EPHX1: variants seen among roughly 807,000 people sequenced by gnomAD.
The protein encoded by EPHX1 is epoxide hydratase.
EPHX1 carries 40 observed loss-of-function variants against 43.2 expected under a neutral mutation model. That is an observed-to-expected ratio of 0.93 (90% CI 0.72 to 1.21). The LOEUF (loss-of-function observed/expected upper bound fraction) is 1.21. EPHX1 is among the 50% of genes most tolerant of loss of function. EPHX1 has a pLI of 0.00. For missense variants in EPHX1, 550 were observed against 570.4 expected (o/e 0.96, Z 0.36); for synonymous variants, 221 against 226.7 (o/e 0.98, Z 0.22).
chr1:225,839,366 G>GGTCTGT lies in EPHX1; in HGVS notation c.722+22_722+23insCTGTGT, dbSNP rs1553485989. On this transcript the variant is annotated intron_variant, in intron 5 of 8. Transcript: ENST00000272167. The stretch of plus-strand genomic sequence containing the variant: ...GCCCAGGTGAGGTCACTGTTGGGGT[G>GGTCTGT]GTGTGTGTGTGTGTGTGTGTGTGTG... The GGTCTGT allele has an allele frequency of 1.0e-5, 16 of 1,559,612 alleles. No individual in the cohort carries two copies. Among genetic ancestry groups the GGTCTGT allele is most frequent in the Non-Finnish European group, 1.3e-5 (15 of 1,153,444 alleles).
Position 225,831,859 on chromosome 1 carries a change from C to A in EPHX1, c.264C>A (p.Asn88Lys), listed in dbSNP as rs139835798. 1.6e-5 allele frequency: 26 copies of A among 1,614,084 alleles called. No homozygotes were observed. Among genetic ancestry groups the A allele is most frequent in the Non-Finnish European group, 2.2e-5 (26 of 1,180,026 alleles). ...DSCFHYGFNS[N>K]YLKKVISYWR... is the part of the protein sequence containing the mutation. The stretch of plus-strand genomic sequence containing the variant: ...GCTTCCACTATGGCTTCAACTCCAA[C>A]TACCTGAAGAAAGTCATCTCCTACT... The change falls in exon 3 of 9, where the codon AAC (asparagine) becomes AAA (lysine). Residue 88 changes from asparagine (N) to lysine (K), a missense_variant. Asn to Lys is a moderately conservative substitution (Grantham distance 94, BLOSUM62 0). Coordinates refer to ENST00000272167, the MANE Select transcript of EPHX1 (RefSeq NM_001136018.4).
At chr1:225,835,991 T>C (rs1388134146) in intron 3 of EPHX1, among the ~76,000 whole-genome samples, 3 of 152,124 alleles carry the variant, frequency 2.0e-5, no homozygotes, top group Non-Finnish European at 4.4e-5. Context: ...TTGGCCTTGG[T>C]CCTTTAGAAT....
chr1:225,831,793 G>A lies in EPHX1; in HGVS notation c.198G>A (p.Arg66=). 1.2e-6 allele frequency: 2 copies of A among 1,614,004 alleles called. No individual in the cohort carries two copies. The highest frequency in any genetic ancestry group is 1.7e-6 in the Non-Finnish European group (2 of 1,180,026). The part of the protein sequence containing the change: ...SDEEIHDLHQ[R]IDKFRFTPPL... ...TTTTGCTCCAGGACTTACACCAGAG[G>A]ATCGATAAGTTCCGTTTCACCCCAC... Residue 66 remains arginine, a synonymous_variant, in exon 3 of 9, where the codon AGG becomes AGA. Transcript: ENST00000272167.
chr1:225,844,415 G>C (rs1268209765), intron 7 of EPHX1, 83 bp from the exon 8 acceptor site: 1 of 1,608,274 alleles, frequency 6.2e-7, no homozygotes, highest in African/African-American at 1.3e-5. Context: ...GCAGGGCCTG[G>C]CATTTGTAGG....
chr1:225,837,712 G>A (rs1488677578), intron 3 of EPHX1, among the ~76,000 whole-genome samples: 1 of 152,014 alleles, frequency 6.6e-6, no homozygotes, highest in African/African-American at 2.4e-5. Flanking sequence ...TAGAGACGGG[G>A]TTTCACCATG....
intron 1 of EPHX1, among the ~76,000 whole-genome samples, chr1:225,818,579 C>T (rs1347681888): frequency 1.3e-5 from 2 of 152,088 alleles, no homozygotes; most frequent in Non-Finnish European, 2.9e-5. Flanking sequence ...ATGGTGAGCA[C>T]AAAACTGAAA....
At position 225,845,355 on chromosome 1, in the gene EPHX1, CT is replaced by C; in HGVS notation, c.*9del. 2 of 1,589,834 alleles carry C rather than the reference CT, an allele frequency of 1.3e-6. No homozygotes were observed. The highest frequency in any genetic ancestry group is 8.5e-7 in the Non-Finnish European group (1 of 1,171,226). ...GTGCTGGAGCGGCAATGACCCACCC[CT>C]CTCCCCCCGCCTGCCACCTCCCCCC... On this transcript the variant is annotated 3_prime_UTR_variant, in exon 9 of 9. Transcript: ENST00000272167.
intron 1 of EPHX1, among the ~76,000 whole-genome samples, chr1:225,811,565 A>AC (rs1259081856): frequency 2.0e-5 from 3 of 152,180 alleles, no homozygotes; most frequent in African/African-American, 4.8e-5. Flanking sequence ...CTGTTTCGGT[A>AC]CCACTGTGCA....
intron 1 of EPHX1, among the ~76,000 whole-genome samples, chr1:225,818,505 G>T (rs1225287810): frequency 1.3e-5 from 2 of 152,190 alleles, no homozygotes; most frequent in Admixed American, 6.5e-5. Flanking sequence ...AGGGAGGTGG[G>T]AAGGGGAGGG....
At chr1:225,821,744 G>A (rs1666992610) in intron 1 of EPHX1, among the ~76,000 whole-genome samples, 1 of 149,544 alleles carries the variant, frequency 6.7e-6, no homozygotes, top group Non-Finnish European at 1.5e-5. Context: ...TTTATTATTT[G>A]TGGAGATGGG....
chr1:225,835,378 T>TA (rs1232713402), intron 3 of EPHX1, among the ~76,000 whole-genome samples: 1 of 138,556 alleles, frequency 7.2e-6, no homozygotes, highest in African/African-American at 2.8e-5. Context: ...ACCACCACAC[T>TA]AGGCTTTTTT....
Position 225,830,567 on chromosome 1 carries a change from C to T in EPHX1, c.184-1212C>T, listed in dbSNP as rs112909475. 1.6e-4 allele frequency among the ~76,000 whole-genome samples: 25 copies of T among 152,212 alleles called. 1 individual carries two copies. Among genetic ancestry groups the T allele is most frequent in the African/African-American group, 5.8e-4 (24 of 41,532 alleles). On this transcript the variant is annotated intron_variant, in intron 2 of 8. Transcript: ENST00000272167. ...GCAACCTCCGCCTCCTGGGTTCAAG[C>T]GATTCTCCTGCCTCAGCCTCCCAAG... is the stretch of plus-strand genomic sequence containing the variant.
intron 1 of EPHX1, among the ~76,000 whole-genome samples, chr1:225,816,011 G>A (rs1187351107): frequency 6.6e-6 from 1 of 152,238 alleles, no homozygotes; most frequent in African/African-American, 2.4e-5. Context: ...GCCAAGGACT[G>A]GCCCGGCATG....
chr1:225,833,893 C>A (rs139599349), intron 3 of EPHX1, among the ~76,000 whole-genome samples: 2 of 150,052 alleles, frequency 1.3e-5, no homozygotes, highest in Non-Finnish European at 3.0e-5. Flanking sequence ...GTCAGGAGAT[C>A]GAGACCATCC....
chr1:225,843,968 G>A (rs11581196), intron 7 of EPHX1, among the ~76,000 whole-genome samples: 5,010 of 152,278 alleles, frequency 0.033, 128 homozygotes, highest in Non-Finnish European at 0.048. Context: ...GGTTGGGAGG[G>A]CGTGCTCTGG....
chr1:225,836,547 G>C (rs781312111), intron 3 of EPHX1, among the ~76,000 whole-genome samples: 1 of 152,104 alleles, frequency 6.6e-6, no homozygotes, highest in Non-Finnish European at 1.5e-5. Flanking sequence ...GCAGTGAGCC[G>C]TGATTGTGCC....
intron 4 of EPHX1, 151 bp downstream of exon 4, chr1:225,839,032 C>T: frequency 7.6e-7 from 1 of 1,321,624 alleles, no homozygotes; most frequent in Non-Finnish European, 1.1e-6. Context: ...CCCAGACACA[C>T]CGCCCTCCGG....
At chr1:225,841,185 G>A (rs1402138676) in intron 6 of EPHX1, 2 of 152,190 alleles carry the variant, frequency 1.3e-5, no homozygotes, top group African/African-American at 4.8e-5. Flanking sequence ...GCCTGTTTAA[G>A]TCCTATGAAT....
At chr1:225,813,854 CCTAA>C (rs767756806) in intron 1 of EPHX1, among the ~76,000 whole-genome samples, 17 of 152,166 alleles carry the variant, frequency 1.1e-4, no homozygotes, top group African/African-American at 4.1e-4. Flanking sequence ...CTCTCCAAGG[CCTAA>C]CTGAGCAAGC....
Sources: allele counts gnomAD v4.1 joint callset (sites outside exome capture counted in the v4.1 genomes callset), GRCh38; gene constraint gnomAD v4.1.1; transcripts MANE v1.5; gene names NCBI Gene and HGNC (gene_info 2026-07-23, HGNC 2026-07-21).